PTPRG: variants seen among roughly 807,000 people sequenced by gnomAD.
The protein encoded by PTPRG is protein tyrosine phosphatase receptor type G.
PTPRG carries 102 observed loss-of-function variants against 165.3 expected under a neutral mutation model. The observed-to-expected ratio is 0.62, with a 90% CI of 0.53 to 0.73. The LOEUF (loss-of-function observed/expected upper bound fraction) is 0.73. Ranked by LOEUF, PTPRG falls within the 30% of genes least tolerant of loss-of-function variation. The probability of loss-of-function intolerance (pLI) is 0.00; values close to 1 mark genes in which losing one functional copy is unlikely to be tolerated. For synonymous variants in PTPRG, 675 were observed against 669.5 expected, an observed-to-expected ratio of 1.01 and a Z score of -0.13; for missense variants, 1,866 against 1,861.4, an observed-to-expected ratio of 1.00 and a Z score of -0.05.
At chr3:61,742,422 T>TTTTTAAC in intron 1 of PTPRG, 6 of 1,316,844 alleles carry the variant, frequency 4.6e-6, no homozygotes, top group African/African-American at 1.5e-5. Flanking sequence ...TTTTTTTTTT[T>TTTTTAAC]TGAACTGGTA....
chr3:62,170,369 G>T (rs1469689777), intron 8 of PTPRG, among the ~76,000 whole-genome samples: 1 of 152,088 alleles, frequency 6.6e-6, no homozygotes, highest in Non-Finnish European at 1.5e-5. Context: ...GGATTGGGGG[G>T]GTGAGGAATT....
chr3:61,684,085 C>T (rs987153102), intron 1 of PTPRG, among the ~76,000 whole-genome samples: 4 of 152,170 alleles, frequency 2.6e-5, no homozygotes, highest in African/African-American at 4.8e-5. Flanking sequence ...GTCATGCTTC[C>T]GTTTGCCACT....
rs1001911985 is a variant in PTPRG at position 62,271,024 on chromosome 3, A to G, written c.3010-359A>G. On this transcript the variant is annotated intron_variant, in intron 20 of 29. Coordinates refer to ENST00000474889, the MANE Select transcript of PTPRG (RefSeq NM_002841.4). The surrounding 1 kb of genome is among the most constrained non-coding windows in gnomAD (Gnocchi z 4.1). ...AATGGGAATCACAGCCCACAGAGAC[A>G]TGAAAGCAAAGTACTAAGATCTGGA... Among the ~76,000 whole-genome samples the G allele has an allele frequency of 1.3e-5, 2 of 152,220 alleles. No homozygotes were observed. Among genetic ancestry groups the G allele is most frequent in the Non-Finnish European group, 2.9e-5 (2 of 68,040 alleles).
chr3:62,077,277 T>TA (rs11329129), intron 4 of PTPRG, among the ~76,000 whole-genome samples: 9,854 of 138,288 alleles, frequency 0.071, 420 homozygotes, highest in South Asian at 0.14. Flanking sequence ...TTTGTTTGTT[T>TA]AAAAAAAAAA....
rs370796403 is a variant in PTPRG, at chr3:61,798,112, A to G, written c.190+49130A>G. On this transcript the variant is annotated intron_variant, in intron 2 of 29. Transcript: ENST00000474889. Reference sequence around the variant, plus strand: ...GCTCGTCTGCATTTTAATACAGACAATTGCATAAATTATCTCTTATAGGAA... The same window carrying G: ...GCTCGTCTGCATTTTAATACAGACAGTTGCATAAATTATCTCTTATAGGAA... 4.1e-4 allele frequency among the ~76,000 whole-genome samples: 63 copies of G among 152,300 alleles called. 1 individual carries two copies. Among genetic ancestry groups the G allele is most frequent in the African/African-American group, 1.4e-3 (58 of 41,564 alleles).
intron 5 of PTPRG, among the ~76,000 whole-genome samples, chr3:62,105,478 G>C (rs564004773): frequency 6.6e-6 from 1 of 152,146 alleles, no homozygotes; most frequent in Non-Finnish European, 1.5e-5. Context: ...ATCAATAGGA[G>C]AGTGAAGATC....
chr3:62,086,219 C>T (rs1455129981), intron 5 of PTPRG, among the ~76,000 whole-genome samples: 3 of 151,658 alleles, frequency 2.0e-5, no homozygotes, highest in African/African-American at 7.3e-5. Flanking sequence ...TTAACTATCC[C>T]AAAAGAGTCT....
chr3:61,664,546 T>C (rs1702753606), intron 1 of PTPRG, among the ~76,000 whole-genome samples: 1 of 152,218 alleles, frequency 6.6e-6, no homozygotes, highest in Non-Finnish European at 1.5e-5. Flanking sequence ...AAATGCATTG[T>C]AAAGGCCTGG....
At chr3:62,268,455 C>G (rs1701956704) in intron 19 of PTPRG, among the ~76,000 whole-genome samples, 1 of 151,998 alleles carries the variant, frequency 6.6e-6, no homozygotes, top group Admixed American at 6.6e-5. Flanking sequence ...ATGTAACAAA[C>G]CTGCAAATCT....
At chr3:62,021,794 TG>T (rs927122496) in intron 4 of PTPRG, among the ~76,000 whole-genome samples, 134 of 151,958 alleles carry the variant, frequency 8.8e-4, no homozygotes, top group African/African-American at 2.9e-3. Context: ...GTTCCTAATA[TG>T]GGGCTAATAC....
chr3:61,729,369 C>T (rs2032399208), intron 1 of PTPRG, among the ~76,000 whole-genome samples: 1 of 152,318 alleles, frequency 6.6e-6, no homozygotes, highest in Non-Finnish European at 1.5e-5. Flanking sequence ...AGGTTGGCAA[C>T]TGATTGACAT....
chr3:61,899,654 C>T (rs533072026), intron 2 of PTPRG, among the ~76,000 whole-genome samples: 9 of 152,278 alleles, frequency 5.9e-5, no homozygotes, highest in Admixed American at 2.6e-4. Context: ...GGAGACTCAT[C>T]GGGGAACACC....
At chr3:62,189,465 C>A (rs777586791) in intron 8 of PTPRG, among the ~76,000 whole-genome samples, 3 of 152,074 alleles carry the variant, frequency 2.0e-5, no homozygotes, top group Non-Finnish European at 4.4e-5. Flanking sequence ...AAGATGCCAG[C>A]GGGTCAGAAC....
At chr3:61,717,805 A>G (rs1044971121) in intron 1 of PTPRG, among the ~76,000 whole-genome samples, 3 of 152,052 alleles carry the variant, frequency 2.0e-5, no homozygotes, top group African/African-American at 7.3e-5. Flanking sequence ...AAAAATAAAA[A>G]TAAATACCAA....
intron 1 of PTPRG, among the ~76,000 whole-genome samples, chr3:61,583,848 C>T (rs532733144): frequency 3.0e-4 from 45 of 152,252 alleles, no homozygotes; most frequent in African/African-American, 1.1e-3. Flanking sequence ...TCTGAGATGT[C>T]CAAGGTTCTC....
intron 5 of PTPRG, among the ~76,000 whole-genome samples, chr3:62,130,276 T>A (rs1275701413): frequency 6.6e-6 from 1 of 152,222 alleles, no homozygotes; most frequent in African/African-American, 2.4e-5. Context: ...TTTAATAGGC[T>A]AACTTGGAAT....
chr3:62,132,678 C>T lies in PTPRG; in HGVS notation c.682+10C>T, dbSNP rs1340101721. ...GGTGTCGTACATCATGGTAAGTATG[C>T]CACATACACTTCCTTTTGCTGGGAT... is the stretch of plus-strand genomic sequence containing the variant. On this transcript the variant is annotated intron_variant, in intron 6 of 29. Coordinates refer to ENST00000474889, the MANE Select transcript of PTPRG (RefSeq NM_002841.4). 4.4e-6 allele frequency: 7 copies of T among 1,595,766 alleles called. No individual in the cohort carries two copies. The South Asian group carries it at 7.7e-5, about 18-fold the overall frequency.
chr3:61,927,802 T>G (rs1315099698), intron 2 of PTPRG, among the ~76,000 whole-genome samples: 2 of 152,178 alleles, frequency 1.3e-5, no homozygotes, highest in Non-Finnish European at 2.9e-5. Context: ...GATTATCTTC[T>G]TTATGCAGCA....
intron 5 of PTPRG, among the ~76,000 whole-genome samples, chr3:62,112,236 C>G (rs906045333): frequency 6.6e-6 from 1 of 152,132 alleles, no homozygotes; most frequent in African/African-American, 2.4e-5. Flanking sequence ...TCCTGAGTAG[C>G]TGGGATTACA....
Sources: gnomAD v4.1 joint callset for allele counts (sites outside exome capture counted in the v4.1 genomes callset) on GRCh38, gnomAD v4.1.1 for gene constraint, Gnocchi (gnomAD v3.1) non-coding constraint, MANE v1.5 for transcripts, NCBI Gene and HGNC (gene_info 2026-07-23, HGNC 2026-07-21) for gene names.